XRCC5: variants seen among roughly 807,000 people sequenced by gnomAD.
The protein encoded by XRCC5 is DNA repair protein Ku80.
In XRCC5, 12 loss-of-function variants were observed where a neutral mutation model predicts 95.7. The ratio of observed to expected loss-of-function variants is 0.13; its 90% CI spans 0.08 to 0.20. The LOEUF (loss-of-function observed/expected upper bound fraction) is 0.20, where lower values mean the gene tolerates loss of function less well. Ranked by LOEUF, XRCC5 falls within the 10% of genes least tolerant of loss-of-function variation. XRCC5 has a pLI of 1.00. For missense variants in XRCC5, 595 were observed against 873.9 expected (o/e 0.68, Z 4.02); for synonymous variants, 281 against 290.3 (o/e 0.97, Z 0.33).
intron 1 of XRCC5, among the ~76,000 whole-genome samples, chr2:216,112,356 C>T (rs1163852531): frequency 1.3e-5 from 2 of 152,224 alleles, no homozygotes; most frequent in East Asian, 3.8e-4. Flanking sequence ...GTATCCCCTC[C>T]ACCAGTCTTG....
intron 19 of XRCC5, among the ~76,000 whole-genome samples, chr2:216,202,397 A>G (rs1435311087): frequency 2.0e-5 from 3 of 152,238 alleles, no homozygotes; most frequent in African/African-American, 7.2e-5. Context: ...ATAAAAACCC[A>G]TTTGAGAATC....
intron 16 of XRCC5, among the ~76,000 whole-genome samples, chr2:216,173,579 A>G (rs1333870192): frequency 2.6e-5 from 4 of 152,250 alleles, no homozygotes; most frequent in East Asian, 3.8e-4. Context: ...TCCTTTTTAT[A>G]TGTACTGAAT....
intron 10 of XRCC5, 55 bp from the exon 11 acceptor site, chr2:216,137,033 T>A: frequency 3.2e-6 from 5 of 1,576,892 alleles, no homozygotes; most frequent in Non-Finnish European, 4.3e-6. Context: ...TTGAGTTCTG[T>A]TGTGAAAACT....
At chr2:216,144,530 T>C (rs1688585153) in intron 13 of XRCC5, among the ~76,000 whole-genome samples, 1 of 152,142 alleles carries the variant, frequency 6.6e-6, no homozygotes, top group South Asian at 2.1e-4. Context: ...GAGTGATTGA[T>C]GGAAAATAAA....
At chr2:216,136,642 G>C (rs1335440382) in intron 10 of XRCC5, among the ~76,000 whole-genome samples, 1 of 152,170 alleles carries the variant, frequency 6.6e-6, no homozygotes, top group Middle Eastern at 3.2e-3. Context: ...GGTGACTTCA[G>C]AGGATAATTT....
intron 18 of XRCC5, among the ~76,000 whole-genome samples, chr2:216,192,946 A>G (rs1318966296): frequency 6.6e-6 from 1 of 152,186 alleles, no homozygotes; most frequent in Admixed American, 6.5e-5. Flanking sequence ...AGTGATAAAT[A>G]ATAAATAAAC....
At chr2:216,162,495 G>A (rs766113985) in intron 16 of XRCC5, among the ~76,000 whole-genome samples, 13 of 150,916 alleles carry the variant, frequency 8.6e-5, no homozygotes, top group East Asian at 1.9e-4. Flanking sequence ...TCTGCCTCCC[G>A]AGTTGAAGCG....
At position 216,117,801 on chromosome 2, in the gene XRCC5, G is replaced by A. The variant is rs995267058; in HGVS notation, c.368+7G>A. On this transcript the variant is annotated splice_region_variant and intron_variant, in intron 4 of 20. Coordinates refer to ENST00000392132, the MANE Select transcript of XRCC5 (RefSeq NM_021141.4). ...TGATTCAACATGAAACAATGTAAGT[G>A]TTCCAAGGAAGAGAGCTGGAAGAGA... 6.2e-7 allele frequency: 1 copy of A among 1,613,960 alleles called. No individual in the cohort carries two copies. Among genetic ancestry groups the A allele is most frequent in the Non-Finnish European group, 8.5e-7 (1 of 1,179,944 alleles).
intron 10 of XRCC5, among the ~76,000 whole-genome samples, chr2:216,136,325 C>T (rs772934443): frequency 4.9e-5 from 7 of 143,930 alleles, no homozygotes; most frequent in Non-Finnish European, 1.0e-4. Flanking sequence ...CATTGCATTC[C>T]AGCCTGGGCA....
chr2:216,141,534 T>C (rs1018636182), intron 13 of XRCC5, among the ~76,000 whole-genome samples: 3 of 120,632 alleles, frequency 2.5e-5, no homozygotes, highest in African/African-American at 1.0e-4. Flanking sequence ...ATGCTTTCTT[T>C]CTTTTCTTTT....
At chr2:216,120,545 C>T (rs1696784419) in intron 5 of XRCC5, among the ~76,000 whole-genome samples, 1 of 152,098 alleles carries the variant, frequency 6.6e-6, no homozygotes. Flanking sequence ...ATACCAGCAG[C>T]TCAGAGAAGC....
chr2:216,132,021 C>T (rs1370948482), intron 9 of XRCC5, among the ~76,000 whole-genome samples: 2 of 152,158 alleles, frequency 1.3e-5, no homozygotes, highest in Non-Finnish European at 2.9e-5. Flanking sequence ...TCTTAAAGCA[C>T]CATGTAACCC....
At chr2:216,129,782 T>C (rs1696952824) in intron 8 of XRCC5, among the ~76,000 whole-genome samples, 1 of 152,234 alleles carries the variant, frequency 6.6e-6, no homozygotes, top group Non-Finnish European at 1.5e-5. Flanking sequence ...CAAGTGATTC[T>C]CCTGCCTCAG....
chr2:216,109,869 A>G (rs1449021931), intron 1 of XRCC5, among the ~76,000 whole-genome samples: 2 of 152,182 alleles, frequency 1.3e-5, no homozygotes, highest in African/African-American at 4.8e-5. Context: ...TAAAGCAACT[A>G]TCCCACAGGG....
rs146545220 is a variant in XRCC5, at chr2:216,141,220, C to T, written c.1377C>T (p.Asp459=). Residue 459 remains aspartate, a synonymous_variant, in exon 13 of 21, where the codon GAC becomes GAT. Coordinates refer to ENST00000392132, the MANE Select transcript of XRCC5 (RefSeq NM_021141.4). ...TGAATGCTGTTGATGCTTTGATTGA[C>T]TCCATGAGCTTGGCAAAGAAAGATG... The part of the protein sequence containing the change: ...AQLNAVDALI[D]SMSLAKKDEK... The T allele has an allele frequency of 1.9e-6, 3 of 1,614,156 alleles. No homozygotes were observed. The highest frequency in any genetic ancestry group is 2.5e-6 in the Non-Finnish European group (3 of 1,180,010).
chr2:216,144,884 A>G (rs75484958), intron 13 of XRCC5, among the ~76,000 whole-genome samples: 4,808 of 152,298 alleles, frequency 0.032, 263 homozygotes, highest in African/African-American at 0.11. Flanking sequence ...ACAATTAGAC[A>G]TATAAAAAAG....
chr2:216,190,154 C>A, intron 16 of XRCC5, 71 bp from the exon 17 acceptor site: 2 of 1,323,460 alleles, frequency 1.5e-6, no homozygotes, highest in Non-Finnish European at 1.1e-6. Context: ...TACTTATAGG[C>A]ACAAACACAG....
intron 16 of XRCC5, among the ~76,000 whole-genome samples, chr2:216,187,847 TC>T (rs1449511601): frequency 1.5e-5 from 2 of 136,040 alleles, no homozygotes; most frequent in African/African-American, 3.1e-5. Context: ...TCTCTCTCTC[TC>T]TCTCTCTCTC....
intron 15 of XRCC5, among the ~76,000 whole-genome samples, chr2:216,160,881 G>C (rs1345123301): frequency 6.6e-6 from 1 of 151,878 alleles, no homozygotes; most frequent in Admixed American, 6.6e-5. Context: ...CACCATACCC[G>C]GCTATTTTTC....
Sources: gnomAD v4.1 joint callset for allele counts (sites outside exome capture counted in the v4.1 genomes callset) on GRCh38, gnomAD v4.1.1 for gene constraint, MANE v1.5 for transcripts, NCBI Gene and HGNC (gene_info 2026-07-23, HGNC 2026-07-21) for gene names.